The following NRG1 variants were observed in gnomAD, a reference collection of about 807,000 sequenced individuals.
NRG1 encodes pro-neuregulin-1, membrane-bound isoform.
Under a neutral mutation model 63.8 loss-of-function variants are expected in NRG1, and 18 were observed. The observed-to-expected ratio is 0.28, with a 90% CI of 0.19 to 0.42. The LOEUF is 0.42. NRG1 is among the 10% of genes least tolerant of loss of function. The pLI is 1.00. For synonymous variants in NRG1, 302 were observed against 301.3 expected (o/e 1.00, Z -0.02); for missense variants, 762 against 814.7 (o/e 0.94, Z 0.79).
intron 1 of NRG1, among the ~76,000 whole-genome samples, chr8:32,592,884 C>T (rs527560760): frequency 7.2e-5 from 11 of 152,232 alleles, no homozygotes; most frequent in Admixed American, 6.5e-5. Context: ...AACCTAACTA[C>T]TAATAGCAGC....
At chr8:32,487,052 T>C (rs1419925766) in intron 1 of NRG1, among the ~76,000 whole-genome samples, 2 of 150,958 alleles carry the variant, frequency 1.3e-5, no homozygotes, top group Non-Finnish European at 2.9e-5. Context: ...ATAAATCATA[T>C]TTTTTTAATT....
chr8:32,683,281 A>G (rs917917725), intron 5 of NRG1, among the ~76,000 whole-genome samples: 19 of 152,340 alleles, frequency 1.2e-4, no homozygotes, highest in African/African-American at 4.3e-4. Flanking sequence ...GTAAATTGCC[A>G]TAAAGCAAGG....
chr8:32,203,798 T>TAGAG (rs1843736188), intron 1 of NRG1, among the ~76,000 whole-genome samples: 1 of 152,170 alleles, frequency 6.6e-6, no homozygotes, highest in Non-Finnish European at 1.5e-5. Context: ...TCATGGCACT[T>TAGAG]ACATTCATGT....
At chr8:32,514,725 G>A (rs751542021) in intron 1 of NRG1, among the ~76,000 whole-genome samples, 50 of 152,102 alleles carry the variant, frequency 3.3e-4, no homozygotes, top group Non-Finnish European at 5.4e-4. Context: ...CTTTGATTAG[G>A]CTTGAAAATT....
chr8:32,028,709 AC>A (rs1817829019), intron 1 of NRG1, among the ~76,000 whole-genome samples: 1 of 152,206 alleles, frequency 6.6e-6, no homozygotes, highest in African/African-American at 2.4e-5. Context: ...GATTTCATTC[AC>A]TAACTTTCAA....
In NRG1 at chr8:32,381,484, A is replaced by ATT. The variant is rs1554523270; in HGVS notation, c.38-214344_38-214343insTT. On this transcript the variant is annotated intron_variant, in intron 1 of 10. Transcript: ENST00000519301. ...CCTCAACACGGAGGCAGGGCCTGGT[A>ATT]CAGCACAGTCCTCAATAAATACTTG... Among the ~76,000 whole-genome samples the ATT allele has an allele frequency of 2.2e-3, 340 of 152,346 alleles. 3 individuals are homozygous for ATT. Among genetic ancestry groups the ATT allele is most frequent in the African/African-American group, 8.0e-3 (331 of 41,580 alleles).
At position 31,681,358 on chromosome 8, in the gene NRG1, A is replaced by G. The variant is rs1052729179; in HGVS notation, c.37+41927A>G. Among the ~76,000 whole-genome samples the G allele has an allele frequency of 6.6e-5, 10 of 151,502 alleles. 1 individual carries two copies. The highest frequency in any genetic ancestry group is 2.4e-4 in the African/African-American group (10 of 41,284). ...TTCAGTAGCTCCAAATACAATGGAA[A>G]AAAGACTGGGACCAGTGTCTCACAA... On this transcript the variant is annotated intron_variant, in intron 1 of 10. Coordinates refer to the NRG1 transcript ENST00000519301.
At chr8:32,534,135 C>A (rs1197608153) in intron 1 of NRG1, among the ~76,000 whole-genome samples, 1 of 152,006 alleles carries the variant, frequency 6.6e-6, no homozygotes, top group Non-Finnish European at 1.5e-5. Flanking sequence ...TTTATAAACC[C>A]ACATACTCAG....
chr8:32,464,817 C>G (rs924704176), intron 1 of NRG1, among the ~76,000 whole-genome samples: 1 of 151,894 alleles, frequency 6.6e-6, no homozygotes, highest in Non-Finnish European at 1.5e-5. Flanking sequence ...TTATCAAAAG[C>G]CTTATCACAG....
chr8:31,672,951 GTTT>G (rs5890593), intron 1 of NRG1, among the ~76,000 whole-genome samples: 1 of 143,078 alleles, frequency 7.0e-6, no homozygotes, highest in African/African-American at 2.6e-5. Context: ...TAGAATCATA[GTTT>G]TTTTTTTTTT....
At chr8:31,864,507 G>T (rs1828772747) in intron 1 of NRG1, among the ~76,000 whole-genome samples, 1 of 152,138 alleles carries the variant, frequency 6.6e-6, no homozygotes, top group South Asian at 2.1e-4. Flanking sequence ...AAAGGAGTTT[G>T]CCAGGCCCAG....
chr8:32,454,083 C>A (rs1821311492), intron 1 of NRG1, among the ~76,000 whole-genome samples: 1 of 152,102 alleles, frequency 6.6e-6, no homozygotes, highest in Non-Finnish European at 1.5e-5. Flanking sequence ...AAATAAAGGC[C>A]ACAACAGTTT....
chr8:32,612,603 TA>T (rs1251049912), intron 3 of NRG1, among the ~76,000 whole-genome samples: 1 of 152,086 alleles, frequency 6.6e-6, no homozygotes, highest in East Asian at 1.9e-4. Flanking sequence ...AACATTCAAT[TA>T]AAAAATGAAA....
intron 1 of NRG1, among the ~76,000 whole-genome samples, chr8:32,555,799 G>C (rs969179896): frequency 6.6e-6 from 1 of 152,162 alleles, no homozygotes; most frequent in African/African-American, 2.4e-5. Context: ...GGTCACACAG[G>C]CCTTGTTATT....
At chr8:32,330,081 A>AAAAAAAAAT (rs1563322139) in intron 1 of NRG1, among the ~76,000 whole-genome samples, 1 of 125,036 alleles carries the variant, frequency 8.0e-6, no homozygotes, top group African/African-American at 3.1e-5. Context: ...AAAAAAAAAA[A>AAAAAAAAAT]GTGTGTAGGG....
intron 1 of NRG1, among the ~76,000 whole-genome samples, chr8:32,558,091 A>G (rs1361487421): frequency 6.6e-6 from 1 of 152,214 alleles, no homozygotes; most frequent in Admixed American, 6.5e-5. Context: ...AGAAAAGACA[A>G]GGACCGCTAT....
chr8:32,546,495 A>G (rs555881088), upstream of NRG1, among the ~76,000 whole-genome samples: 1 of 152,112 alleles, frequency 6.6e-6, no homozygotes, highest in Non-Finnish European at 1.5e-5. Flanking sequence ...GAATTTTGCT[A>G]TTTCCTGCTT....
At chr8:32,575,854 G>C (rs557140218) in intron 1 of NRG1, among the ~76,000 whole-genome samples, 2 of 152,226 alleles carry the variant, frequency 1.3e-5, no homozygotes, top group East Asian at 3.9e-4. Context: ...CTTATAGAAA[G>C]CACAAATTTA....
intron 1 of NRG1, among the ~76,000 whole-genome samples, chr8:32,061,164 T>G (rs1823789462): frequency 6.6e-6 from 1 of 151,934 alleles, no homozygotes; most frequent in Non-Finnish European, 1.5e-5. Context: ...GCAAAAACTT[T>G]CCTGACCCAT....
Sources: gnomAD v4.1 joint callset for allele counts (sites outside exome capture counted in the v4.1 genomes callset) on GRCh38, gnomAD v4.1.1 for gene constraint, MANE v1.5 for transcripts, NCBI Gene and HGNC (gene_info 2026-07-23, HGNC 2026-07-21) for gene names.